MGAT4C: variants seen among roughly 807,000 people sequenced by gnomAD.
The protein encoded by MGAT4C is MGAT4 family member C, also known as alpha-1,3-mannosyl-glycoprotein 4-beta-N-acetylglucosaminyltransferase C.
In MGAT4C, 19 loss-of-function variants were observed where a neutral mutation model predicts 40.1. The observed-to-expected ratio is 0.47, with a 90% CI of 0.33 to 0.70. The LOEUF is 0.70. MGAT4C is among the 30% of genes least tolerant of loss of function. The pLI, the probability that MGAT4C is intolerant of heterozygous loss-of-function variation, is 0.02. For missense variants in MGAT4C, 491 were observed against 563.2 expected (o/e 0.87, Z 1.30); for synonymous variants, 181 against 187.1 (o/e 0.97, Z 0.27).
At chr12:86,216,008 C>A (rs1950657517) in intron 1 of MGAT4C, among the ~76,000 whole-genome samples, 2 of 151,950 alleles carry the variant, frequency 1.3e-5, no homozygotes, top group Non-Finnish European at 2.9e-5. Context: ...TGGATCGAAT[C>A]CAGAAAGAGG....
chr12:86,189,736 A>AT, intron 1 of MGAT4C, among the ~76,000 whole-genome samples: 1 of 152,174 alleles, frequency 6.6e-6, no homozygotes, highest in South Asian at 2.1e-4. Context: ...TTGAAAGCAA[A>AT]ACAAAAACTA....
intron 2 of MGAT4C, among the ~76,000 whole-genome samples, chr12:86,699,555 A>G (rs1950318510): frequency 6.6e-6 from 1 of 152,058 alleles, no homozygotes; most frequent in South Asian, 2.1e-4. Context: ...TTGACCCTTG[A>G]ACAACATGGG....
chr12:86,741,640 T>A (rs573466869), intron 1 of MGAT4C, among the ~76,000 whole-genome samples: 1 of 151,468 alleles, frequency 6.6e-6, no homozygotes, highest in South Asian at 2.1e-4. Flanking sequence ...CTACGCAGAA[T>A]CAGTCTCTGA....
At chr12:86,521,638 CT>C (rs1373710266) in intron 2 of MGAT4C, among the ~76,000 whole-genome samples, 2 of 151,428 alleles carry the variant, frequency 1.3e-5, no homozygotes, top group Non-Finnish European at 3.0e-5. Context: ...ATCATTGGTA[CT>C]TTAATAAGAA....
intron 2 of MGAT4C, among the ~76,000 whole-genome samples, chr12:86,561,124 G>A (rs185487014): frequency 6.6e-6 from 1 of 152,166 alleles, no homozygotes; most frequent in Admixed American, 6.5e-5. Flanking sequence ...CTCATGAACT[G>A]GAAGAATATA....
chr12:86,564,403 C>T (rs1366070799), intron 2 of MGAT4C, among the ~76,000 whole-genome samples: 1 of 152,100 alleles, frequency 6.6e-6, no homozygotes, highest in African/African-American at 2.4e-5. Context: ...TATCAACTCT[C>T]TGGCTTTGTG....
chr12:86,731,788 A>G (rs1950913792), intron 1 of MGAT4C, among the ~76,000 whole-genome samples: 1 of 152,138 alleles, frequency 6.6e-6, no homozygotes, highest in African/African-American at 2.4e-5. Context: ...ACCTAGATGC[A>G]CTTTAAACTG....
chr12:86,588,206 A>C (rs576789919), intron 2 of MGAT4C, among the ~76,000 whole-genome samples: 1 of 152,014 alleles, frequency 6.6e-6, no homozygotes, highest in African/African-American at 2.4e-5. Context: ...ATTGAGAGGA[A>C]GATCTACCAA....
Position 86,403,870 on chromosome 12 carries a change from T to G in MGAT4C, c.-120+31287A>C, listed in dbSNP as rs531212834. ...CAAGGACAGAATCTTAAATAAAATG[T>G]ATTAAAAACATTAAGTTAGGCAGGA... On this transcript the variant is annotated intron_variant, in intron 3 of 7. Coordinates refer to the MGAT4C transcript ENST00000548651. 8.9e-4 allele frequency among the ~76,000 whole-genome samples: 136 copies of G among 152,204 alleles called. 1 individual carries two copies. The highest frequency in any genetic ancestry group is 1.5e-3 in the Non-Finnish European group (100 of 68,028).
At chr12:86,555,723 G>A (rs1959577939) in intron 2 of MGAT4C, among the ~76,000 whole-genome samples, 1 of 152,138 alleles carries the variant, frequency 6.6e-6, no homozygotes, top group African/African-American at 2.4e-5. Flanking sequence ...TATGCTTAAT[G>A]CAGAGCGCCC....
chr12:86,390,433 G>A (rs563676557), intron 3 of MGAT4C, among the ~76,000 whole-genome samples: 1 of 152,090 alleles, frequency 6.6e-6, no homozygotes, highest in African/African-American at 2.4e-5. Flanking sequence ...AATCTAGTCT[G>A]GGAAAATATT....
intron 1 of MGAT4C, among the ~76,000 whole-genome samples, chr12:86,831,981 A>C (rs1010381591): frequency 6.6e-6 from 1 of 151,848 alleles, no homozygotes; most frequent in East Asian, 1.9e-4. Context: ...ATAATTTATG[A>C]AGTAGATCAA....
chr12:86,447,535 C>T (rs1957360412), intron 2 of MGAT4C, among the ~76,000 whole-genome samples: 1 of 152,122 alleles, frequency 6.6e-6, no homozygotes, highest in Non-Finnish European at 1.5e-5. Context: ...CTTTACCCTT[C>T]ATGAGTACCA....
At chr12:86,466,606 T>C (rs1294004844) in intron 2 of MGAT4C, among the ~76,000 whole-genome samples, 1 of 152,188 alleles carries the variant, frequency 6.6e-6, no homozygotes, top group Admixed American at 6.5e-5. Context: ...TAGAATACTA[T>C]AATGGTTGAC....
At chr12:86,235,166 G>T (rs1449996052) in intron 1 of MGAT4C, among the ~76,000 whole-genome samples, 1 of 151,826 alleles carries the variant, frequency 6.6e-6, no homozygotes, top group African/African-American at 2.4e-5. Flanking sequence ...TGAACTCCGG[G>T]TCTATAGATT....
chr12:86,371,996 T>C (rs574228261), intron 3 of MGAT4C, among the ~76,000 whole-genome samples: 5 of 151,928 alleles, frequency 3.3e-5, no homozygotes, highest in Admixed American at 2.0e-4. Flanking sequence ...TCAAAGTTAA[T>C]GAAGATTTTT....
chr12:86,405,122 T>C (rs1291452218), intron 3 of MGAT4C, among the ~76,000 whole-genome samples: 2 of 151,992 alleles, frequency 1.3e-5, no homozygotes, highest in African/African-American at 2.4e-5. Context: ...TTTTAAATGT[T>C]AATAGTAACA....
intron 1 of MGAT4C, among the ~76,000 whole-genome samples, chr12:86,052,781 C>T (rs1893014550): frequency 6.6e-6 from 1 of 151,940 alleles, no homozygotes; most frequent in Non-Finnish European, 1.5e-5. Flanking sequence ...CAATTCTTCA[C>T]TGTCAAGAGA....
In MGAT4C at chr12:86,357,882, G is replaced by A. The variant is rs551885020; in HGVS notation, c.-119-23755C>T. ...TGTACCTGAAAGTGATGGGGAGAATGGAACCAAGTTGGAAAATATTCTTCA... is the reference window on the plus strand; with the variant it reads ...TGTACCTGAAAGTGATGGGGAGAATAGAACCAAGTTGGAAAATATTCTTCA... On this transcript the variant is annotated intron_variant, in intron 3 of 7. Coordinates refer to the MGAT4C transcript ENST00000548651. Among the ~76,000 whole-genome samples the A allele has an allele frequency of 2.0e-5, 3 of 152,298 alleles. No individual in the cohort carries two copies. In the East Asian group the frequency reaches 5.8e-4, roughly 29 times the overall value.
Sources: allele counts gnomAD v4.1 joint callset (sites outside exome capture counted in the v4.1 genomes callset), GRCh38; gene constraint gnomAD v4.1.1; transcripts MANE v1.5; gene names NCBI Gene and HGNC (gene_info 2026-07-23, HGNC 2026-07-21).